GRM8: variants seen among roughly 807,000 people sequenced by gnomAD.
GRM8 encodes metabotropic glutamate receptor 8.
A neutral mutation model predicts 87.2 loss-of-function variants in GRM8; 47 were observed. The observed-to-expected ratio is 0.54, with a 90% confidence interval of 0.43 to 0.69. The LOEUF is 0.69. Among genes scored for constraint, GRM8 ranks in the 30% least tolerant of loss-of-function variants. The probability of loss-of-function intolerance (pLI) is 0.00; values close to 1 mark genes in which losing one functional copy is unlikely to be tolerated. For missense variants in GRM8, 1,019 were observed against 1,139.2 expected (o/e 0.89, Z 1.52); for synonymous variants, 396 against 404.5 (o/e 0.98, Z 0.25).
chr7:127,089,103 G>A (rs773628384), intron 3 of GRM8, among the ~76,000 whole-genome samples: 3 of 152,198 alleles, frequency 2.0e-5, no homozygotes, highest in African/African-American at 4.8e-5. Context: ...TAGGGAATTC[G>A]AGATGAGATC....
chr7:126,559,118 T>G (rs1021800832), intron 8 of GRM8, among the ~76,000 whole-genome samples: 11 of 151,232 alleles, frequency 7.3e-5, no homozygotes. Context: ...ATACTGATCT[T>G]GAAGGAAGTG....
intron 7 of GRM8, among the ~76,000 whole-genome samples, chr7:126,747,929 CAT>C (rs1259022185): frequency 6.6e-6 from 1 of 151,944 alleles, no homozygotes; most frequent in Non-Finnish European, 1.5e-5. Context: ...TCTACAAAAA[CAT>C]ATAGTATGTA....
intron 9 of GRM8, among the ~76,000 whole-genome samples, chr7:126,456,553 A>G (rs1208157522): frequency 1.4e-5 from 2 of 147,834 alleles, no homozygotes; most frequent in African/African-American, 5.0e-5. Context: ...AAAATCAAAC[A>G]TAATCTAGAT....
At chr7:126,610,259 G>A (rs1281891924) in intron 7 of GRM8, among the ~76,000 whole-genome samples, 3 of 152,174 alleles carry the variant, frequency 2.0e-5, no homozygotes, top group Non-Finnish European at 4.4e-5. Context: ...CAGGGGAAGA[G>A]TAGAAATGGA....
At chr7:126,697,258 G>A (rs572440855) in intron 7 of GRM8, among the ~76,000 whole-genome samples, 66 of 151,660 alleles carry the variant, frequency 4.4e-4, no homozygotes, top group African/African-American at 1.5e-3. Flanking sequence ...AGAAATGCAC[G>A]TCAATGGGTA....
intron 3 of GRM8, among the ~76,000 whole-genome samples, chr7:126,962,671 A>T: frequency 6.6e-6 from 1 of 152,192 alleles, no homozygotes; most frequent in Non-Finnish European, 1.5e-5. Context: ...AATCCTCTTC[A>T]ATAAGAGCTT....
chr7:126,680,733 G>A (rs1373305784), intron 7 of GRM8, among the ~76,000 whole-genome samples: 1 of 152,166 alleles, frequency 6.6e-6, no homozygotes, highest in Non-Finnish European at 1.5e-5. Flanking sequence ...CTTTGCTTAG[G>A]AGAATGTAAG....
chr7:126,678,120 A>G (rs1807180072), intron 7 of GRM8, among the ~76,000 whole-genome samples: 1 of 152,228 alleles, frequency 6.6e-6, no homozygotes, highest in Non-Finnish European at 1.5e-5. Flanking sequence ...CAATTTCACA[A>G]TAGATGTTTT....
rs116922172 is a variant in GRM8 at position 126,866,090 on chromosome 7, G to A, written c.1156+36452C>T. Among the ~76,000 whole-genome samples the A allele has an allele frequency of 1.9e-3, 289 of 152,258 alleles. 3 individuals carry two copies. The East Asian group carries it at 0.045, about 24-fold the overall frequency. On this transcript the variant is annotated intron_variant, in intron 6 of 10. Transcript: ENST00000339582. ...TTTTTCCACATCCTTGCCAAAACTC[G>A]TTATCTGTCTTTTTTATAACAGCCA...
intron 2 of GRM8, among the ~76,000 whole-genome samples, chr7:127,147,519 T>C (rs1482058692): frequency 1.3e-5 from 2 of 152,058 alleles, no homozygotes; most frequent in South Asian, 2.1e-4. Flanking sequence ...AATTCCCTCC[T>C]ATCCCCCCAC....
intron 3 of GRM8, among the ~76,000 whole-genome samples, chr7:126,932,672 G>A (rs1805884479): frequency 6.6e-6 from 1 of 152,168 alleles, no homozygotes; most frequent in Admixed American, 6.5e-5. Context: ...TTAATGAAAT[G>A]AGTTAAGCAC....
At chr7:126,985,080 T>G (rs1345851799) in intron 3 of GRM8, among the ~76,000 whole-genome samples, 2 of 152,092 alleles carry the variant, frequency 1.3e-5, no homozygotes, top group Non-Finnish European at 2.9e-5. Flanking sequence ...TAGAGATCAT[T>G]TACTGAGCTT....
chr7:127,247,600 G>A (rs532488953), intron 1 of GRM8, among the ~76,000 whole-genome samples: 128 of 152,250 alleles, frequency 8.4e-4, no homozygotes, highest in Middle Eastern at 3.4e-3. Context: ...GGGGCAGAGT[G>A]AGGATGGGGC....
chr7:126,817,805 T>C (rs535443176), intron 6 of GRM8, among the ~76,000 whole-genome samples: 1 of 152,258 alleles, frequency 6.6e-6, no homozygotes, highest in Non-Finnish European at 1.5e-5. Flanking sequence ...TTCACTGAGG[T>C]AAGTAAAATG....
At chr7:126,706,878 G>A (rs1810580536) in intron 7 of GRM8, among the ~76,000 whole-genome samples, 1 of 152,086 alleles carries the variant, frequency 6.6e-6, no homozygotes. Flanking sequence ...ATATATACCT[G>A]GTATCTGCCA....
chr7:127,209,353 A>G (rs1266558979), intron 2 of GRM8, among the ~76,000 whole-genome samples: 1 of 152,252 alleles, frequency 6.6e-6, no homozygotes, highest in Non-Finnish European at 1.5e-5. Context: ...ACTGTCCAGT[A>G]TGAAACCCAG....
chr7:126,611,320 C>G (rs1798892373), intron 7 of GRM8, among the ~76,000 whole-genome samples: 1 of 152,200 alleles, frequency 6.6e-6, no homozygotes, highest in Non-Finnish European at 1.5e-5. Context: ...AATAATGATA[C>G]TTTTCTCATA....
At chr7:126,870,676 C>T (rs781417686) in intron 6 of GRM8, 1 of 152,140 alleles carries the variant, frequency 6.6e-6, no homozygotes. Flanking sequence ...AGATAGGGTT[C>T]GTAGTGCCCC....
At chr7:126,740,274 T>C (rs1332956051) in intron 7 of GRM8, among the ~76,000 whole-genome samples, 1 of 152,100 alleles carries the variant, frequency 6.6e-6, no homozygotes, top group Non-Finnish European at 1.5e-5. Context: ...CAATAGGTAC[T>C]CCACTGAACA....
Sources: gnomAD v4.1 joint callset for allele counts (sites outside exome capture counted in the v4.1 genomes callset) on GRCh38, gnomAD v4.1.1 for gene constraint, MANE v1.5 for transcripts, NCBI Gene and HGNC (gene_info 2026-07-23, HGNC 2026-07-21) for gene names.